NOB1: variants seen among roughly 807,000 people sequenced by gnomAD.
NOB1 encodes NIN1 (RPN12) binding protein 1 homolog.
In NOB1, 44 loss-of-function variants were observed where a neutral mutation model predicts 44.8. That is an observed-to-expected ratio of 0.98 (90% CI 0.77 to 1.26). The LOEUF is 1.26. Ranked by LOEUF, NOB1 falls within the 50% of genes most tolerant of loss-of-function variation. The pLI is 0.00. For synonymous variants in NOB1, 238 were observed against 218.7 expected (o/e 1.09, Z -0.78); for missense variants, 560 against 544.8 (o/e 1.03, Z -0.28).
chr16:69,754,051 C>T (rs1392353788), intron 2 of NOB1, among the ~76,000 whole-genome samples: 2 of 152,192 alleles, frequency 1.3e-5, no homozygotes, highest in African/African-American at 4.8e-5. Context: ...GTGATGCGCC[C>T]GCCTCGGTCT....
At chr16:69,742,657 G>A (rs1452210297) in intron 8 of NOB1, 56 bp from the exon 9 acceptor site, 1 of 1,577,358 alleles carries the variant, frequency 6.3e-7, no homozygotes, top group South Asian at 1.1e-5. Context: ...GTCACACAAG[G>A]CCATGGCTGG....
At chr16:69,748,353 A>C (rs1449135428) in intron 6 of NOB1, 24 bp from the exon 7 acceptor site, 12 of 1,590,206 alleles carry the variant, frequency 7.5e-6, no homozygotes, top group Non-Finnish European at 1.0e-5. Context: ...TTAAAGAAGA[A>C]ATCAATTTTC....
intron 8 of NOB1, among the ~76,000 whole-genome samples, chr16:69,742,856 T>C (rs1005551464): frequency 3.3e-5 from 5 of 152,038 alleles, no homozygotes; most frequent in African/African-American, 9.7e-5. Context: ...GAAATAGAAA[T>C]ACAAAACATT....
Position 69,744,950 on chromosome 16 carries a change from C to G in NOB1, c.892G>C (p.Val298Leu). Residue 298 changes from valine to leucine, a missense_variant, in exon 8 of 9, where the codon GTG becomes CTG. Transcript: ENST00000268802. ...AGGGTGCCGTCGTCGCTGACGGTCACGGACACTTTCTTCAGGGTCTTGTTC... is the reference window on the plus strand; with the variant it reads ...AGGGTGCCGTCGTCGCTGACGGTCAGGGACACTTTCTTCAGGGTCTTGTTC... ...CGNKTLKKVSVTVSDDGTLHM... is the reference protein window; with the variant it reads ...CGNKTLKKVSLTVSDDGTLHM... 2 of 1,614,174 alleles carry G rather than the reference C, an allele frequency of 1.2e-6. No individual in the cohort carries two copies. The highest frequency in any genetic ancestry group is 1.7e-6 in the Non-Finnish European group (2 of 1,180,034).
Position 69,754,900 on chromosome 16 carries a change from A to T in NOB1, c.11T>A (p.Val4Glu). 3 of 1,588,700 alleles carry T rather than the reference A, an allele frequency of 1.9e-6. No individual in the cohort carries two copies. Among genetic ancestry groups the T allele is most frequent in the Non-Finnish European group, 2.6e-6 (3 of 1,168,742 alleles). ...CCCAGCATCCGCCACAACGTGCTCC[A>T]CTGGAGCCATGTTGGCTGCGTGAGA... Reference protein sequence around the residue: MAPVEHVVADAGAF... With the variant: MAPEEHVVADAGAF... Residue 4 changes from valine to glutamate, a missense_variant, in exon 1 of 9, where the codon GTG (valine) becomes GAG (glutamate). Physicochemically the swap from Val to Glu is moderately radical, Grantham distance 121. Transcript: ENST00000268802.
chr16:69,748,177 G>C, intron 7 of NOB1, 55 bp downstream of exon 7: 1 of 1,361,636 alleles, frequency 7.3e-7, no homozygotes, highest in Non-Finnish European at 1.0e-6. Flanking sequence ...AACAAAAAAA[G>C]AAACAGGAAG....
chr16:69,748,209 G>C, intron 7 of NOB1, 23 bp downstream of exon 7: 1 of 1,577,516 alleles, frequency 6.3e-7, no homozygotes, highest in Non-Finnish European at 8.7e-7. Flanking sequence ...GAGGGCACCA[G>C]GGCCAGGGCA....
Position 69,748,241 on chromosome 16 carries a change from C to G in NOB1, c.815G>C (p.Gly272Ala). 6.2e-7 allele frequency: 1 copy of G among 1,613,178 alleles called. No individual in the cohort carries two copies. The highest frequency in any genetic ancestry group is 8.5e-7 in the Non-Finnish European group (1 of 1,179,228). Residue 272 changes from glycine (G) to alanine (A), a missense_variant, in exon 7 of 9, where the codon GGC (glycine) becomes GCC (alanine). By Grantham distance (60) the Gly-to-Ala change is moderately conservative. Coordinates refer to ENST00000268802, the MANE Select transcript of NOB1 (RefSeq NM_014062.3). ...GGCACCAGCTACATACTTGAAACAG[C>G]CATGGCAGCGCAAGATGTAGCTCCG... is the stretch of plus-strand genomic sequence containing the variant. ...EARSYILRCH[G>A]CFKTTSDMSR...
At position 69,754,645 on chromosome 16, in the gene NOB1, G is replaced by A; in HGVS notation, c.145C>T (p.Leu49=). The change falls in exon 2 of 9, where the codon CTG becomes TTG. Residue 49 remains leucine, a synonymous_variant. Coordinates refer to ENST00000268802, the MANE Select transcript of NOB1 (RefSeq NM_014062.3). ...DKATRRRLAV[L]PYELRFKEPL... is the part of the protein sequence containing the mutation. ...TCCTTGAACCGCAGCTCGTAGGGCA[G>A]GACAGCGAGCCGCCTGCGTGTGGCC... 6.2e-7 allele frequency: 1 copy of A among 1,614,206 alleles called. No individual in the cohort carries two copies. Among genetic ancestry groups the A allele is most frequent in the Non-Finnish European group, 8.5e-7 (1 of 1,180,044 alleles).
At chr16:69,752,058 C>G (rs1471463389) in intron 3 of NOB1, among the ~76,000 whole-genome samples, 183 bp downstream of exon 3, 1 of 150,524 alleles carries the variant, frequency 6.6e-6, no homozygotes, top group Non-Finnish European at 1.5e-5. Context: ...GAGCAAGACT[C>G]TATCTCAAAA....
At chr16:69,742,791 C>T (rs1186240408) in intron 8 of NOB1, among the ~76,000 whole-genome samples, 190 bp from the exon 9 acceptor site, 2 of 152,152 alleles carry the variant, frequency 1.3e-5, no homozygotes, top group African/African-American at 4.8e-5. Context: ...TCAATTCACA[C>T]ACGAAAAACC....
chr16:69,754,455 C>G (rs1039203452), intron 2 of NOB1, 139 bp downstream of exon 2: 130 of 1,210,950 alleles, frequency 1.1e-4, no homozygotes, highest in Non-Finnish European at 1.4e-4. Flanking sequence ...AAGCCTCTCT[C>G]CTACCACAAT....
At chr16:69,752,472 TG>T in intron 2 of NOB1, 101 bp from the exon 3 acceptor site, 1 of 1,201,904 alleles carries the variant, frequency 8.3e-7, no homozygotes, top group Non-Finnish European at 1.2e-6. Context: ...ATCAAAATAA[TG>T]GAAGTATCAA....
At chr16:69,745,660 CAG>C (rs1326747650) in intron 7 of NOB1, among the ~76,000 whole-genome samples, 2 of 152,216 alleles carry the variant, frequency 1.3e-5, no homozygotes, top group Non-Finnish European at 2.9e-5. Context: ...CAAGCCCCGA[CAG>C]TGGACTCTCG....
In NOB1 at chr16:69,742,561, T is replaced by G. The variant is rs769656111; in HGVS notation, c.1010A>C (p.Asn337Thr). Residue 337 changes from asparagine (N) to threonine (T), a missense_variant, in exon 9 of 9, where the codon AAC (asparagine) becomes ACC (threonine). Coordinates refer to ENST00000268802, the MANE Select transcript of NOB1 (RefSeq NM_014062.3). ...GCGCTGATCCTCGGTGAGATGGGGG[T>G]TGATGGCGTATTTGCCCCCTTTGGG... ...PTPKGGKYAI[N>T]PHLTEDQRFP... The G allele has an allele frequency of 6.2e-7, 1 of 1,613,858 alleles. No individual in the cohort carries two copies. Among genetic ancestry groups the G allele is most frequent in the Non-Finnish European group, 8.5e-7 (1 of 1,179,966 alleles).
In NOB1 at chr16:69,744,946, G is replaced by A. The variant is rs1240163234; in HGVS notation, c.896C>T (p.Thr299Ile). Reference protein sequence around the residue: ...GNKTLKKVSVTVSDDGTLHMH... With the variant: ...GNKTLKKVSVIVSDDGTLHMH... ...GTGCAGGGTGCCGTCGTCGCTGACG[G>A]TCACGGACACTTTCTTCAGGGTCTT... The change falls in exon 8 of 9, where the codon ACC becomes ATC. Residue 299 changes from threonine to isoleucine, a missense_variant. By Grantham distance (89) the Thr-to-Ile change is moderately conservative. Transcript: ENST00000268802. 6.2e-7 allele frequency: 1 copy of A among 1,614,172 alleles called. No individual in the cohort carries two copies. Among genetic ancestry groups the A allele is most frequent in the Admixed American group, 1.7e-5 (1 of 60,010 alleles).
intron 2 of NOB1, among the ~76,000 whole-genome samples, chr16:69,753,631 A>T (rs763616853): frequency 6.6e-6 from 1 of 152,192 alleles, no homozygotes. Context: ...AGAGCTACTA[A>T]GTTGGTGGAG....
At chr16:69,748,668 T>C (rs765235649) in intron 6 of NOB1, 89 of 534,248 alleles carry the variant, frequency 1.7e-4, no homozygotes, top group Non-Finnish European at 2.7e-4. Context: ...GCATTATATA[T>C]ACTGAAAAAA....
rs2038449664 is a variant in NOB1, at chr16:69,748,238, C to T, written c.818G>A (p.Cys273Tyr). The T allele has an allele frequency of 1.2e-6, 2 of 1,612,668 alleles. No individual in the cohort carries two copies. The highest frequency in any genetic ancestry group is 1.3e-5 in the African/African-American group (1 of 74,910). ...ARSYILRCHG[C>Y]FKTTSDMSRV... is the part of the protein sequence containing the mutation. ...CAGGGCACCAGCTACATACTTGAAA[C>T]AGCCATGGCAGCGCAAGATGTAGCT... is the stretch of plus-strand genomic sequence containing the variant. Residue 273 changes from cysteine to tyrosine, a missense_variant, in exon 7 of 9, where the codon TGT (cysteine) becomes TAT (tyrosine). Coordinates refer to ENST00000268802, the MANE Select transcript of NOB1 (RefSeq NM_014062.3).
Sources: allele counts gnomAD v4.1 joint callset (sites outside exome capture counted in the v4.1 genomes callset), GRCh38; gene constraint gnomAD v4.1.1; transcripts MANE v1.5; gene names NCBI Gene and HGNC (gene_info 2026-07-23, HGNC 2026-07-21).